Variants in IREB2 observed in about 807,000 individuals in gnomAD.
IREB2 encodes the protein iron responsive element binding protein 2.
A neutral mutation model predicts 118.8 loss-of-function variants in IREB2; 39 were observed. The ratio of observed to expected loss-of-function variants is 0.33; its 90% CI spans 0.25 to 0.43. The LOEUF is 0.43. Among genes scored for constraint, IREB2 ranks in the 20% least tolerant of loss-of-function variants. The pLI is 1.00. For missense variants in IREB2, 900 were observed against 1,147.3 expected, an observed-to-expected ratio of 0.78 and a Z score of 3.11; for synonymous variants, 372 against 392.2, an observed-to-expected ratio of 0.95 and a Z score of 0.61.
chr15:78,466,100 T>C (rs1337970994), intron 4 of IREB2, among the ~76,000 whole-genome samples, 171 bp from the exon 5 acceptor site: 1 of 152,122 alleles, frequency 6.6e-6, no homozygotes, highest in Non-Finnish European at 1.5e-5. Context: ...TTTCTTTTTT[T>C]ATATATATAT....
At chr15:78,438,073 C>T, upstream of IREB2, 1 of 491,996 alleles carries the variant, frequency 2.0e-6, no homozygotes, top group Non-Finnish European at 3.7e-6. Flanking sequence ...AGAACAGCGG[C>T]GACGGCGCGA....
In IREB2 at chr15:78,485,821, C is replaced by T. The variant is rs746238334; in HGVS notation, c.1690C>T (p.Pro564Ser). ...THYLSSSGVL[P>S]YLSKLGFEIV... Reference sequence around the variant, plus strand: ...TTACCTCAGTTCAAGTGGAGTATTACCATATCTAAGTAAGCTTGGGTAAGT... The same window carrying T: ...TTACCTCAGTTCAAGTGGAGTATTATCATATCTAAGTAAGCTTGGGTAAGT... Residue 564 changes from proline (P) to serine (S), a missense_variant, in exon 13 of 22, where the codon CCA becomes TCA. Coordinates refer to ENST00000258886, the MANE Select transcript of IREB2 (RefSeq NM_004136.4). 3.1e-6 allele frequency: 5 copies of T among 1,613,450 alleles called. No individual in the cohort carries two copies. The highest frequency in any genetic ancestry group is 1.7e-5 in the Admixed American group (1 of 59,926).
At chr15:78,482,752 T>G (rs1339436392) in intron 10 of IREB2, among the ~76,000 whole-genome samples, 2 of 84,808 alleles carry the variant, frequency 2.4e-5, no homozygotes, top group Admixed American at 1.6e-4. Flanking sequence ...GGAAACCAGG[T>G]TTTTTTTTTT....
At position 78,473,235 on chromosome 15, in the gene IREB2, A is replaced by G; in HGVS notation, c.884-7A>G. ...CTGTGCTAATATACCTGTCTTTATT[A>G]CGTTAGGGGTTGGAGGCATTGAAAC... On this transcript the variant is annotated splice_polypyrimidine_tract_variant and splice_region_variant and intron_variant, in intron 7 of 21. Coordinates refer to ENST00000258886, the MANE Select transcript of IREB2 (RefSeq NM_004136.4). The G allele has an allele frequency of 6.2e-7, 1 of 1,612,548 alleles. No individual in the cohort carries two copies. Among genetic ancestry groups the G allele is most frequent in the Non-Finnish European group, 8.5e-7 (1 of 1,179,026 alleles).
chr15:78,482,570 T>C (rs1438273150), intron 10 of IREB2, among the ~76,000 whole-genome samples: 6 of 152,208 alleles, frequency 3.9e-5, no homozygotes, highest in Admixed American at 3.9e-4. Context: ...CTTCACATCA[T>C]GTGTGCTGAC....
chr15:78,490,608 T>C lies in IREB2; in HGVS notation c.2182-11T>C. ...GTAAAGAGTTAAATGCCTTGAACTT[T>C]TACCTTCTAGACCAAAGAGCCAATT... On this transcript the variant is annotated splice_polypyrimidine_tract_variant and intron_variant, in intron 17 of 21. Transcript: ENST00000258886. 1 of 1,613,606 alleles carries C rather than the reference T, an allele frequency of 6.2e-7. No individual in the cohort carries two copies. Among genetic ancestry groups the C allele is most frequent in the Non-Finnish European group, 8.5e-7 (1 of 1,179,850 alleles).
At position 78,490,771 on chromosome 15, in the gene IREB2, C is replaced by T. The variant is rs928993105; in HGVS notation, c.2324+10C>T. 2 of 1,612,732 alleles carry T rather than the reference C, an allele frequency of 1.2e-6. No homozygotes were observed. Among genetic ancestry groups the T allele is most frequent in the Non-Finnish European group, 1.7e-6 (2 of 1,179,486 alleles). On this transcript the variant is annotated intron_variant, in intron 18 of 21. Coordinates refer to ENST00000258886, the MANE Select transcript of IREB2 (RefSeq NM_004136.4). Reference sequence around the variant, plus strand: ...ATTTGACAAACAGAGGGTATGTGTACATGGCTTTAGAGTGTTTTTGTTTTT... The same window carrying T: ...ATTTGACAAACAGAGGGTATGTGTATATGGCTTTAGAGTGTTTTTGTTTTT...
chr15:78,476,078 C>G, intron 8 of IREB2, 110 bp from the exon 9 acceptor site: 1 of 676,044 alleles, frequency 1.5e-6, no homozygotes. Flanking sequence ...GGATCTCATT[C>G]CTTCACCATC....
chr15:78,462,221 T>C (rs185295272), intron 2 of IREB2, among the ~76,000 whole-genome samples: 15 of 152,340 alleles, frequency 9.8e-5, no homozygotes, highest in Non-Finnish European at 1.9e-4. Flanking sequence ...TTCACTCCTT[T>C]AAACAGCTGC....
chr15:78,438,237 C>G lies in IREB2; in HGVS notation c.-101C>G. ...GCGCGAGCCTGCTTCCTTCTTTCCT[C>G]CCTTGCCAGTCCGCCTGTCTTCCTC... On this transcript the variant is annotated 5_prime_UTR_variant, in exon 1 of 22. Transcript: ENST00000258886. The G allele has an allele frequency of 3.3e-6, 3 of 913,974 alleles. No individual in the cohort carries two copies. The highest frequency in any genetic ancestry group is 5.3e-6 in the Non-Finnish European group (3 of 565,492). The allele number at this position is 913,974 out of a possible 1,614,324, so 56.6% of individuals were successfully genotyped here.
intron 5 of IREB2, among the ~76,000 whole-genome samples, chr15:78,469,840 C>T (rs2051345882): frequency 6.6e-6 from 1 of 152,132 alleles, no homozygotes; most frequent in South Asian, 2.1e-4. Context: ...CAGTCACCAG[C>T]TGGCAGGTAA....
chr15:78,482,826 C>T (rs578035119), intron 10 of IREB2, among the ~76,000 whole-genome samples: 1 of 151,870 alleles, frequency 6.6e-6, no homozygotes, highest in East Asian at 1.9e-4. Context: ...TGGCTCACTG[C>T]AAGCTCCGCC....
At chr15:78,474,515 C>T (rs2051431812) in intron 8 of IREB2, 1 of 152,182 alleles carries the variant, frequency 6.6e-6, no homozygotes, top group Non-Finnish European at 1.5e-5. Flanking sequence ...ATCCTGAAAA[C>T]TAACGCTGCT....
intron 1 of IREB2, among the ~76,000 whole-genome samples, chr15:78,439,311 A>G (rs2050808020): frequency 6.6e-6 from 1 of 151,942 alleles, no homozygotes; most frequent in Non-Finnish European, 1.5e-5. Context: ...TGCTCTGTAA[A>G]AATCCGTCTT....
chr15:78,473,404 C>G (rs77888862), intron 8 of IREB2, 23 bp downstream of exon 8: 1 of 1,595,864 alleles, frequency 6.3e-7, no homozygotes. Context: ...TGTGGTAGCT[C>G]TATGACTTAC....
chr15:78,438,173 C>T (rs2050781455), upstream of IREB2: 2 of 598,234 alleles, frequency 3.3e-6, no homozygotes, highest in Non-Finnish European at 6.2e-6. Context: ...ATCCCGCGAG[C>T]GCAGACCCGG....
Position 78,501,218 on chromosome 15 carries a change from G to A in IREB2, c.*3075G>A, listed in dbSNP as rs761141212. 1.3e-5 allele frequency: 2 copies of A among 152,302 alleles called. No individual in the cohort carries two copies. The highest frequency in any genetic ancestry group is 2.9e-5 in the Non-Finnish European group (2 of 68,012). 9.4% of individuals were successfully genotyped at this position (152,302 alleles called of 1,614,324 possible). On this transcript the variant is annotated 3_prime_UTR_variant, in exon 22 of 22. Coordinates refer to ENST00000258886, the MANE Select transcript of IREB2 (RefSeq NM_004136.4). Reference sequence around the variant, plus strand: ...CTATCAATTTTACACATAATATGTGGCTATGAAACCATATATCTCACTTAA... The same window carrying A: ...CTATCAATTTTACACATAATATGTGACTATGAAACCATATATCTCACTTAA...
intron 10 of IREB2, 58 bp downstream of exon 10, chr15:78,478,455 C>A: frequency 1.8e-6 from 2 of 1,086,434 alleles, no homozygotes; most frequent in Non-Finnish European, 2.8e-6. Context: ...GTAATCCCAG[C>A]GCTTTGAAAG....
intron 1 of IREB2, chr15:78,438,658 C>G (rs1158394683): frequency 8.3e-6 from 4 of 480,266 alleles, no homozygotes; most frequent in Non-Finnish European, 1.5e-5. Flanking sequence ...TCCTGGCCCC[C>G]GTCAGCAACA....
Sources: gnomAD v4.1 joint callset for allele counts (sites outside exome capture counted in the v4.1 genomes callset) on GRCh38, gnomAD v4.1.1 for gene constraint, MANE v1.5 for transcripts, NCBI Gene and HGNC (gene_info 2026-07-23, HGNC 2026-07-21) for gene names.